SOX6: variants seen among roughly 807,000 people sequenced by gnomAD.
SOX6 encodes the protein transcription factor SOX-6.
SOX6 carries 11 observed loss-of-function variants against 97.8 expected under a neutral mutation model. The ratio of observed to expected loss-of-function variants is 0.11; its 90% CI spans 0.07 to 0.19. SOX6 has a LOEUF of 0.19. Ranked by LOEUF, SOX6 falls within the 10% of genes least tolerant of loss-of-function variation. The pLI is 1.00. For missense variants in SOX6, 810 were observed against 1,039.5 expected, an observed-to-expected ratio of 0.78 and a Z score of 3.04; for synonymous variants, 360 against 371.4, an observed-to-expected ratio of 0.97 and a Z score of 0.35.
Position 16,167,419 on chromosome 11 carries a change from G to A in SOX6, c.777+16467C>T, listed in dbSNP as rs561449950. ...CCTCCTTCTACCCTTCCACCCTTTCGTCTAATTGCAACACAGTAGCCAGAA... is the reference window on the plus strand; with the variant it reads ...CCTCCTTCTACCCTTCCACCCTTTCATCTAATTGCAACACAGTAGCCAGAA... On this transcript the variant is annotated intron_variant, in intron 6 of 15. Transcript: ENST00000683767. Among the ~76,000 whole-genome samples, 28 of 152,004 alleles carry A rather than the reference G, an allele frequency of 1.8e-4. No individual in the cohort carries two copies. In the South Asian group the frequency reaches 2.1e-3, roughly 11 times the overall value.
At chr11:16,057,527 C>T (rs1433888594) in intron 9 of SOX6, among the ~76,000 whole-genome samples, 1 of 152,090 alleles carries the variant, frequency 6.6e-6, no homozygotes, top group Non-Finnish European at 1.5e-5. Context: ...CTGGAATTCT[C>T]AATCTTCTTG....
chr11:16,288,409 G>A (rs1854813838), intron 3 of SOX6, among the ~76,000 whole-genome samples: 1 of 151,910 alleles, frequency 6.6e-6, no homozygotes, highest in Non-Finnish European at 1.5e-5. Flanking sequence ...ATAATAGGAT[G>A]GTTTGTGGGC....
intron 3 of SOX6, among the ~76,000 whole-genome samples, chr11:16,640,776 T>G (rs963258464): frequency 2.6e-5 from 4 of 152,238 alleles, no homozygotes; most frequent in African/African-American, 9.6e-5. Context: ...TCATTTTTTA[T>G]TACATCTATT....
At chr11:16,349,715 A>AGGAAGGAAGGAAGGAAGAGG (rs369882029) in intron 1 of SOX6, among the ~76,000 whole-genome samples, 1 of 41,730 alleles carries the variant, frequency 2.4e-5, no homozygotes, top group South Asian at 1.2e-3. Context: ...GAAGGAAGGA[A>AGGAAGGAAGGAAGGAAGAGG]GAAGGAAGGA....
At chr11:16,074,740 CAT>C (rs1848310690) in intron 9 of SOX6, among the ~76,000 whole-genome samples, 1 of 152,102 alleles carries the variant, frequency 6.6e-6, no homozygotes, top group African/African-American at 2.4e-5. Context: ...AATGGAAAAA[CAT>C]TCCTTGCTCA....
At chr11:16,008,225 C>A (rs913662857) in intron 13 of SOX6, among the ~76,000 whole-genome samples, 13 of 152,054 alleles carry the variant, frequency 8.5e-5, no homozygotes, top group African/African-American at 2.9e-4. Flanking sequence ...AGTACAGACA[C>A]AACCAGCCAT....
At chr11:16,612,546 G>A (rs1848410437) in intron 3 of SOX6, among the ~76,000 whole-genome samples, 2 of 150,754 alleles carry the variant, frequency 1.3e-5, no homozygotes, top group Admixed American at 1.3e-4. Context: ...TATTTTAGAA[G>A]GGTACTCACT....
intron 9 of SOX6, among the ~76,000 whole-genome samples, chr11:16,060,797 C>T (rs7114742): frequency 0.038 from 5,774 of 151,918 alleles, 356 homozygotes; most frequent in African/African-American, 0.13. Flanking sequence ...AACACTTGAT[C>T]TGCACTTTTC....
chr11:16,686,931 C>A (rs997834696), intron 3 of SOX6, among the ~76,000 whole-genome samples: 1 of 152,134 alleles, frequency 6.6e-6, no homozygotes, highest in Non-Finnish European at 1.5e-5. Flanking sequence ...CCACTGCACT[C>A]CAGCCTGGGT....
chr11:16,160,886 C>A (rs1039107422), intron 6 of SOX6, among the ~76,000 whole-genome samples: 3 of 152,022 alleles, frequency 2.0e-5, no homozygotes, highest in Non-Finnish European at 4.4e-5. Flanking sequence ...TCCAAATTCT[C>A]AAAAAAACTA....
At chr11:16,389,996 A>AAAAAAAAAAAAAAT (rs71313434) in intron 1 of SOX6, among the ~76,000 whole-genome samples, 1 of 148,998 alleles carries the variant, frequency 6.7e-6, no homozygotes, top group East Asian at 2.0e-4. Flanking sequence ...AAAAAAAAAA[A>AAAAAAAAAAAAAAT]GAAGCTTACT....
intron 6 of SOX6, among the ~76,000 whole-genome samples, 191 bp from the exon 7 acceptor site, chr11:16,112,114 A>C (rs915580039): frequency 1.4e-4 from 22 of 152,298 alleles, no homozygotes; most frequent in Middle Eastern, 3.4e-3. Flanking sequence ...TAGCATACCG[A>C]AGACGTAACT....
chr11:16,499,846 A>G (rs147448704), intron 4 of SOX6, among the ~76,000 whole-genome samples: 27,857 of 152,130 alleles, frequency 0.18, 2,605 homozygotes, highest in African/African-American at 0.22. Flanking sequence ...AAAGTCCAGG[A>G]CCAGACGGAG....
chr11:16,614,446 A>G (rs139032611), intron 3 of SOX6, among the ~76,000 whole-genome samples: 11 of 152,298 alleles, frequency 7.2e-5, no homozygotes, highest in African/African-American at 2.6e-4. Flanking sequence ...TCCCAGCTCT[A>G]TAGTCGCCCA....
chr11:16,264,238 T>A (rs970787019), intron 3 of SOX6, among the ~76,000 whole-genome samples: 1 of 151,964 alleles, frequency 6.6e-6, no homozygotes, highest in Non-Finnish European at 1.5e-5. Flanking sequence ...AGATAACCAG[T>A]CTCAATAGTT....
chr11:16,602,398 T>C (rs1848281130), intron 4 of SOX6, among the ~76,000 whole-genome samples: 1 of 152,228 alleles, frequency 6.6e-6, no homozygotes, highest in Non-Finnish European at 1.5e-5. Context: ...ACCTAATAAT[T>C]GTGATGCACA....
chr11:16,036,450 A>C (rs1855522071), intron 12 of SOX6, among the ~76,000 whole-genome samples: 1 of 152,164 alleles, frequency 6.6e-6, no homozygotes, highest in South Asian at 2.1e-4. Context: ...AGTGTTGAAT[A>C]TATGAATTTT....
chr11:16,327,703 G>C (rs941707801), intron 2 of SOX6, among the ~76,000 whole-genome samples: 2 of 152,088 alleles, frequency 1.3e-5, no homozygotes, highest in African/African-American at 4.8e-5. Flanking sequence ...CATACTGCAA[G>C]CAGAGGAGAA....
intron 4 of SOX6, among the ~76,000 whole-genome samples, chr11:16,206,282 T>A (rs1852070066): frequency 6.6e-6 from 1 of 152,284 alleles, no homozygotes; most frequent in African/African-American, 2.4e-5. Context: ...AATACATTTT[T>A]ATCTCTTTAT....
Sources: allele counts gnomAD v4.1 joint callset (sites outside exome capture counted in the v4.1 genomes callset), GRCh38; gene constraint gnomAD v4.1.1; transcripts MANE v1.5; gene names NCBI Gene and HGNC (gene_info 2026-07-23, HGNC 2026-07-21).